The following PPARGC1A variants were observed in gnomAD, a reference collection of about 807,000 sequenced individuals.
PPARGC1A encodes PPARG coactivator 1 alpha.
PPARGC1A carries 25 observed loss-of-function variants against 88.7 expected under a neutral mutation model. That is an observed-to-expected ratio of 0.28 (90% CI 0.21 to 0.39). The LOEUF is 0.39. Ranked by LOEUF, PPARGC1A falls within the 10% of genes least tolerant of loss-of-function variation. The pLI, the probability that PPARGC1A is intolerant of heterozygous loss-of-function variation, is 1.00. For missense variants in PPARGC1A, 880 were observed against 968.7 expected (o/e 0.91, Z 1.22); for synonymous variants, 363 against 355.6 (o/e 1.02, Z -0.24).
At chr4:24,371,693 C>G in the PPARGC1A span, among the ~76,000 whole-genome samples, 66 of 151,714 alleles carry the variant, frequency 4.4e-4, no homozygotes, top group Non-Finnish European at 9.4e-4. Flanking sequence ...GTAATCCCAG[C>G]ACTTTGAGAG....
the PPARGC1A span, among the ~76,000 whole-genome samples, chr4:24,259,516 A>G: frequency 3.3e-5 from 5 of 152,238 alleles, no homozygotes; most frequent in Non-Finnish European, 7.3e-5. Context: ...AGGTGGTCCC[A>G]TAACAATATA....
At chr4:23,998,975 A>G in the PPARGC1A span, among the ~76,000 whole-genome samples, 1 of 152,256 alleles carries the variant, frequency 6.6e-6, no homozygotes, top group East Asian at 1.9e-4. Context: ...CGTGTCATGC[A>G]CATTGAGATC....
the PPARGC1A span, among the ~76,000 whole-genome samples, chr4:23,940,009 A>G: frequency 2.1e-3 from 316 of 152,314 alleles, 4 homozygotes; most frequent in Admixed American, 0.018. Context: ...ATTTGAAAAC[A>G]TATTTCACAT....
chr4:24,003,735 C>T, the PPARGC1A span, among the ~76,000 whole-genome samples: 1 of 151,462 alleles, frequency 6.6e-6, no homozygotes, highest in East Asian at 1.9e-4. Context: ...ATATCTTACA[C>T]CATGAAAAGG....
chr4:24,444,578 G>A, the PPARGC1A span, among the ~76,000 whole-genome samples: 1 of 152,178 alleles, frequency 6.6e-6, no homozygotes, highest in African/African-American at 2.4e-5. Flanking sequence ...GTGAAACAGA[G>A]AACAGTACAG....
the PPARGC1A span, among the ~76,000 whole-genome samples, chr4:24,344,174 C>T: frequency 3.1e-4 from 47 of 152,100 alleles, no homozygotes; most frequent in African/African-American, 1.1e-3. Context: ...GTTCATTCTA[C>T]AATTTTGCAA....
the PPARGC1A span, among the ~76,000 whole-genome samples, chr4:24,075,713 T>C: frequency 6.6e-6 from 1 of 152,132 alleles, no homozygotes; most frequent in African/African-American, 2.4e-5. Flanking sequence ...GCATGCTCTT[T>C]CCTTGACTGC....
chr4:24,078,953 C>T, the PPARGC1A span, among the ~76,000 whole-genome samples: 2 of 151,998 alleles, frequency 1.3e-5, no homozygotes, highest in Admixed American at 6.6e-5. Flanking sequence ...ATACTGAAAA[C>T]ATAGAGTAAA....
chr4:24,169,081 G>T, the PPARGC1A span, among the ~76,000 whole-genome samples: 1 of 152,174 alleles, frequency 6.6e-6, no homozygotes. Context: ...TGGGTTGATA[G>T]TATGTTTGTG....
intron 7 of PPARGC1A, among the ~76,000 whole-genome samples, chr4:23,822,834 T>G (rs1445241769): frequency 6.6e-6 from 1 of 152,100 alleles, no homozygotes; most frequent in Non-Finnish European, 1.5e-5. Flanking sequence ...TCTAAATCAC[T>G]TCTGTTACAT....
the PPARGC1A span, among the ~76,000 whole-genome samples, chr4:24,145,111 G>A: frequency 1.4e-5 from 2 of 145,448 alleles, no homozygotes; most frequent in Non-Finnish European, 1.5e-5. Context: ...GTGTGTGTGT[G>A]TACATACATA....
At chr4:23,820,230 AAAT>A (rs1722749910) in intron 7 of PPARGC1A, among the ~76,000 whole-genome samples, 1 of 152,166 alleles carries the variant, frequency 6.6e-6, no homozygotes, top group African/African-American at 2.4e-5. Flanking sequence ...CCTCTGATGA[AAAT>A]AATGTGGAAA....
the PPARGC1A span, among the ~76,000 whole-genome samples, chr4:24,211,648 T>C: frequency 6.6e-6 from 1 of 152,108 alleles, no homozygotes; most frequent in Non-Finnish European, 1.5e-5. Context: ...TGGACTGGGA[T>C]GGAATCCAAG....
At chr4:24,197,935 T>C in the PPARGC1A span, among the ~76,000 whole-genome samples, 1 of 152,148 alleles carries the variant, frequency 6.6e-6, no homozygotes. Context: ...GGACTTAAAT[T>C]CACCCATCAC....
At chr4:23,962,369 A>C in the PPARGC1A span, among the ~76,000 whole-genome samples, 1 of 152,110 alleles carries the variant, frequency 6.6e-6, no homozygotes, top group Non-Finnish European at 1.5e-5. Context: ...CAAATGAGAA[A>C]GCTAAGGTTC....
the PPARGC1A span, among the ~76,000 whole-genome samples, chr4:24,043,215 T>C: frequency 1.3e-5 from 2 of 152,158 alleles, no homozygotes; most frequent in Non-Finnish European, 2.9e-5. Context: ...GTTCCCTCCT[T>C]GCTGTCTCCA....
chr4:24,364,902 G>C, the PPARGC1A span, among the ~76,000 whole-genome samples: 1 of 151,994 alleles, frequency 6.6e-6, no homozygotes, highest in African/African-American at 2.4e-5. Context: ...ACAGCATCTG[G>C]CATGGTGCTT....
the PPARGC1A span, among the ~76,000 whole-genome samples, chr4:24,277,571 T>C: frequency 8.2e-4 from 125 of 152,234 alleles, 1 homozygote; most frequent in African/African-American, 2.7e-3. Context: ...CAGCACTCTA[T>C]TGATTATTAC....
chr4:24,405,970 T>G, the PPARGC1A span, among the ~76,000 whole-genome samples: 1 of 152,032 alleles, frequency 6.6e-6, no homozygotes, highest in Non-Finnish European at 1.5e-5. Context: ...CTCTTTCCCT[T>G]CCTTCATTTC....
Sources: gnomAD v4.1 joint callset for allele counts (sites outside exome capture counted in the v4.1 genomes callset) on GRCh38, gnomAD v4.1.1 for gene constraint, MANE v1.5 for transcripts, NCBI Gene and HGNC (gene_info 2026-07-23, HGNC 2026-07-21) for gene names.